ABL2: variants seen among roughly 807,000 people sequenced by gnomAD.
ABL2 encodes ABL proto-oncogene 2, non-receptor tyrosine kinase.
In ABL2, 49 loss-of-function variants were observed where a neutral mutation model predicts 107.7. That is an observed-to-expected ratio of 0.45 (90% CI 0.36 to 0.58). The LOEUF (loss-of-function observed/expected upper bound fraction) is 0.58, where lower values mean the gene tolerates loss of function less well. Ranked by LOEUF, ABL2 falls within the 20% of genes least tolerant of loss-of-function variation. ABL2 has a pLI of 0.00. For synonymous variants in ABL2, 549 were observed against 548.6 expected (o/e 1.00, Z -0.01); for missense variants, 1,245 against 1,457.0 (o/e 0.85, Z 2.37).
intron 1 of ABL2, among the ~76,000 whole-genome samples, chr1:179,170,220 C>T (rs1335569067): frequency 1.3e-5 from 2 of 152,054 alleles, no homozygotes; most frequent in Non-Finnish European, 2.9e-5. Context: ...CTAACCCACT[C>T]CCCCATGATA....
intron 2 of ABL2, among the ~76,000 whole-genome samples, chr1:179,132,094 T>C (rs538762375): frequency 6.6e-6 from 1 of 152,370 alleles, no homozygotes; most frequent in East Asian, 1.9e-4. Context: ...TAATCTTTTT[T>C]TCGTTTTAAA....
At chr1:179,165,093 T>A (rs1393325958) in intron 1 of ABL2, among the ~76,000 whole-genome samples, 1 of 152,198 alleles carries the variant, frequency 6.6e-6, no homozygotes, top group Non-Finnish European at 1.5e-5. Flanking sequence ...TGTGAGATGA[T>A]AAAATAGCTA....
intron 1 of ABL2, among the ~76,000 whole-genome samples, chr1:179,135,796 C>T (rs1482074492): frequency 1.1e-4 from 16 of 144,966 alleles, no homozygotes; most frequent in Admixed American, 1.3e-4. Context: ...GCCCCCCGCC[C>T]GGCCAGCCGC....
At chr1:179,199,711 C>T (rs1443230642) in intron 1 of ABL2, among the ~76,000 whole-genome samples, 1 of 146,938 alleles carries the variant, frequency 6.8e-6, no homozygotes, top group Admixed American at 7.1e-5. Context: ...TATCTAGTTC[C>T]AAAACCCATA....
At chr1:179,130,936 A>AT (rs11382795) in intron 3 of ABL2, among the ~76,000 whole-genome samples, 51,362 of 142,514 alleles carry the variant, frequency 0.36, 9,416 homozygotes, top group East Asian at 0.48. Context: ...TTTCAGGATA[A>AT]TTTTTTTTTT....
At position 179,126,778 on chromosome 1, in the gene ABL2, T is replaced by G; in HGVS notation, c.392-106A>C. The G allele has an allele frequency of 8.5e-7, 1 of 1,170,638 alleles. No individual in the cohort carries two copies. Among genetic ancestry groups the G allele is most frequent in the South Asian group, 2.0e-5 (1 of 50,188 alleles). 72.5% of individuals were successfully genotyped at this position (1,170,638 alleles called of 1,614,324 possible). ...AACTCATTAAAAAAAAAAAAGAATC[T>G]AGAACTTTTATGCCAAATTTTTTTT... On this transcript the variant is annotated intron_variant, in intron 3 of 11. Coordinates refer to ENST00000502732, the MANE Select transcript of ABL2 (RefSeq NM_007314.4). This position sits in a 1 kb window ranked among gnomAD's most constrained non-coding sequence, Gnocchi z 4.4.
chr1:179,134,322 G>A (rs966956668), intron 1 of ABL2, among the ~76,000 whole-genome samples: 1 of 152,124 alleles, frequency 6.6e-6, no homozygotes. Context: ...TGGGCAGGTG[G>A]ATCACCTGAG....
intron 1 of ABL2, among the ~76,000 whole-genome samples, chr1:179,152,002 TTA>T (rs1658389990): frequency 1.3e-5 from 2 of 152,106 alleles, no homozygotes; most frequent in Non-Finnish European, 2.9e-5. Context: ...AAGTCTTCTA[TTA>T]CAGATAAAGG....
Position 179,131,405 on chromosome 1 carries a change from C to A in ABL2, c.297G>T (p.Glu99Asp). 1 of 1,614,126 alleles carries A rather than the reference C, an allele frequency of 6.2e-7. No homozygotes were observed. The highest frequency in any genetic ancestry group is 1.7e-5 in the Admixed American group (1 of 60,030). The change falls in exon 3 of 12, where the codon GAG becomes GAT. Residue 99 changes from glutamate to aspartate, a missense_variant. Glu to Asp is a conservative substitution (Grantham distance 45, BLOSUM62 2). Around this residue, in one of 3 missense-constraint regions of ABL2, gnomAD observed 164 missense variants for 143.7 expected, o/e 1.14. Transcript: ENST00000502732. Reference sequence around the variant, plus strand: ...CACTCTCAGTGGCTCCGAGCAAGTTCTCCTTGGAGCTCCACCTGATAGCCT... The same window carrying A: ...CACTCTCAGTGGCTCCGAGCAAGTTATCCTTGGAGCTCCACCTGATAGCCT... ...LNEAIRWSSKENLLGATESDP... is the reference protein window; with the variant it reads ...LNEAIRWSSKDNLLGATESDP...
chr1:179,138,857 A>T (rs1056677763), intron 1 of ABL2, among the ~76,000 whole-genome samples: 4 of 152,216 alleles, frequency 2.6e-5, no homozygotes, highest in African/African-American at 7.2e-5. Flanking sequence ...CGCCAGCAGG[A>T]ACCGGGGCTG....
At chr1:179,184,638 A>T (rs570993495) in intron 1 of ABL2, 16 of 509,014 alleles carry the variant, frequency 3.1e-5, no homozygotes, top group Middle Eastern at 4.9e-4. Context: ...ATGAGGAAGA[A>T]GATGATGATG....
intron 1 of ABL2, among the ~76,000 whole-genome samples, chr1:179,151,066 T>C (rs1034353897): frequency 6.6e-6 from 1 of 152,172 alleles, no homozygotes; most frequent in African/African-American, 2.4e-5. Flanking sequence ...GACCACAGTA[T>C]AGCATGAACA....
At chr1:179,227,069 A>G (rs577137808) in intron 1 of ABL2, among the ~76,000 whole-genome samples, 1 of 152,350 alleles carries the variant, frequency 6.6e-6, no homozygotes, top group Non-Finnish European at 1.5e-5. Flanking sequence ...TCTTTCAGGT[A>G]AAGACTAGCC....
chr1:179,201,119 T>G (rs1661643528), intron 1 of ABL2, among the ~76,000 whole-genome samples: 1 of 152,108 alleles, frequency 6.6e-6, no homozygotes, highest in African/African-American at 2.4e-5. Context: ...AAATCTAAGT[T>G]CCTAGATGCC....
At chr1:179,174,613 G>A (rs1012538065) in intron 1 of ABL2, among the ~76,000 whole-genome samples, 3 of 150,684 alleles carry the variant, frequency 2.0e-5, no homozygotes. Context: ...CAGCCCAGGC[G>A]CAGTCTTAAA....
rs1339575830 is a variant in ABL2, at chr1:179,136,139, C to T, written c.158-2765G>A. ...CACCCCGTCCGGGAGGTGAGGGGCG[C>T]CTCTGCCCGGCTGCCCCTACTGGGA... On this transcript the variant is annotated intron_variant, in intron 1 of 11. Transcript: ENST00000502732. Among the ~76,000 whole-genome samples, 18 of 151,896 alleles carry T rather than the reference C, an allele frequency of 1.2e-4. 1 individual carries two copies. The South Asian group carries it at 3.7e-3, about 32-fold the overall frequency.
intron 1 of ABL2, chr1:179,183,970 G>T: frequency 3.8e-6 from 1 of 263,942 alleles, no homozygotes. Context: ...ACAGCAGGAA[G>T]CAACTGAACA....
At chr1:179,181,365 A>G (rs1042600497) in intron 1 of ABL2, among the ~76,000 whole-genome samples, 2 of 152,230 alleles carry the variant, frequency 1.3e-5, no homozygotes, top group Non-Finnish European at 2.9e-5. Flanking sequence ...AGATAGGGAA[A>G]TAAGTTACTA....
At chr1:179,197,576 TA>T (rs1275022737) in intron 1 of ABL2, among the ~76,000 whole-genome samples, 6 of 140,214 alleles carry the variant, frequency 4.3e-5, no homozygotes, top group South Asian at 2.4e-4. Flanking sequence ...AAAAAAAAAT[TA>T]AAAAAAAAAG....
Sources: allele counts gnomAD v4.1 joint callset (sites outside exome capture counted in the v4.1 genomes callset), GRCh38; gene constraint gnomAD v4.1.1; regional missense constraint gnomAD v4.1.1; non-coding constraint Gnocchi (gnomAD v3.1); transcripts MANE v1.5; gene names NCBI Gene and HGNC (gene_info 2026-07-23, HGNC 2026-07-21).